PCMTD1: variants seen among roughly 807,000 people sequenced by gnomAD.
PCMTD1 encodes protein-L-isoaspartate O-methyltransferase domain-containing protein 1.
A neutral mutation model predicts 37.6 loss-of-function variants in PCMTD1; 12 were observed. The ratio of observed to expected loss-of-function variants is 0.32; its 90% CI spans 0.20 to 0.52. The LOEUF (loss-of-function observed/expected upper bound fraction) is 0.52, where lower values mean the gene tolerates loss of function less well. PCMTD1 is among the 20% of genes least tolerant of loss of function. The pLI is 0.97. For missense variants in PCMTD1, 235 were observed against 421.3 expected (o/e 0.56, Z 3.87); for synonymous variants, 117 against 135.8 (o/e 0.86, Z 0.96).
At chr8:51,823,363 C>G (rs2037875906) in intron 5 of PCMTD1, among the ~76,000 whole-genome samples, 1 of 152,172 alleles carries the variant, frequency 6.6e-6, no homozygotes, top group Admixed American at 6.5e-5. Context: ...AGTCAGTAGG[C>G]TGAGATGGGA....
chr8:51,895,296 T>G (rs535012904), intron 1 of PCMTD1, among the ~76,000 whole-genome samples: 4 of 152,348 alleles, frequency 2.6e-5, no homozygotes, highest in Non-Finnish European at 4.4e-5. Context: ...CTACAGCTCT[T>G]TCAATGCTCA....
intron 5 of PCMTD1, among the ~76,000 whole-genome samples, chr8:51,829,827 CAA>C (rs1353394704): frequency 6.6e-6 from 1 of 152,022 alleles, no homozygotes; most frequent in Non-Finnish European, 1.5e-5. Context: ...CCAAAAGTCC[CAA>C]AGTCATGCAG....
intron 1 of PCMTD1, among the ~76,000 whole-genome samples, chr8:51,863,382 C>A (rs925762): frequency 6.6e-6 from 1 of 152,072 alleles, no homozygotes; most frequent in Non-Finnish European, 1.5e-5. Flanking sequence ...TACCACATAG[C>A]TCACATTTTT....
At position 51,820,283 on chromosome 8, in the gene PCMTD1, C is replaced by A. The variant is rs116069210; in HGVS notation, c.*68G>T. 2 of 1,376,372 alleles carry A rather than the reference C, an allele frequency of 1.5e-6. No individual in the cohort carries two copies. Among genetic ancestry groups the A allele is most frequent in the African/African-American group, 2.9e-5 (2 of 67,896 alleles). 85.3% of individuals were successfully genotyped at this position (1,376,372 alleles called of 1,614,324 possible). ...TGAAAGAAATAATTCTCTCTTTTAACTCCTAACAAATGCTACATTTTCAAG... is the reference window on the plus strand; with the variant it reads ...TGAAAGAAATAATTCTCTCTTTTAAATCCTAACAAATGCTACATTTTCAAG... On this transcript the variant is annotated 3_prime_UTR_variant, in exon 6 of 6. Transcript: ENST00000522514.
chr8:51,820,272 C>T lies in PCMTD1; in HGVS notation c.*79G>A. On this transcript the variant is annotated 3_prime_UTR_variant, in exon 6 of 6. Transcript: ENST00000522514. ...ATTTGCTCTGATGAAAGAAATAATT[C>T]TCTCTTTTAACTCCTAACAAATGCT... The T allele has an allele frequency of 3.9e-6, 5 of 1,282,536 alleles. No individual in the cohort carries two copies. The highest frequency in any genetic ancestry group is 3.4e-5 in the Admixed American group (1 of 29,434). The allele number at this position is 1,282,536 out of a possible 1,614,324, so 79.4% of individuals were successfully genotyped here.
intron 5 of PCMTD1, among the ~76,000 whole-genome samples, chr8:51,824,854 CA>C (rs1407667693): frequency 6.6e-6 from 1 of 152,076 alleles, no homozygotes; most frequent in Non-Finnish European, 1.5e-5. Context: ...ATATACAGAC[CA>C]ATGGAAGAGA....
intron 1 of PCMTD1, among the ~76,000 whole-genome samples, chr8:51,897,445 T>A (rs752907109): frequency 3.9e-5 from 6 of 152,112 alleles, no homozygotes; most frequent in Non-Finnish European, 8.8e-5. Flanking sequence ...CCTTCACATA[T>A]TAGCTACTTC....
chr8:51,874,129 A>G, intron 1 of PCMTD1, among the ~76,000 whole-genome samples: 1 of 151,694 alleles, frequency 6.6e-6, no homozygotes, highest in Non-Finnish European at 1.5e-5. Context: ...TGATCTCCTC[A>G]CCTCCTGATC....
At chr8:51,831,259 C>G (rs1399067956) in intron 5 of PCMTD1, among the ~76,000 whole-genome samples, 185 bp downstream of exon 5, 6 of 150,778 alleles carry the variant, frequency 4.0e-5, no homozygotes, top group Admixed American at 2.0e-4. Context: ...CATGGCACCA[C>G]TGCACTCGAG....
intron 2 of PCMTD1, chr8:51,860,442 T>C (rs1415454974): frequency 1.2e-5 from 2 of 161,998 alleles, no homozygotes; most frequent in Non-Finnish European, 2.7e-5. Flanking sequence ...ACCCTAACAG[T>C]GCCACATCTT....
At chr8:51,861,313 AAATGT>A (rs2038466122) in intron 1 of PCMTD1, 67 bp from the exon 2 acceptor site, 4 of 1,139,664 alleles carry the variant, frequency 3.5e-6, no homozygotes, top group Non-Finnish European at 4.8e-6. Context: ...CTTGTTTATT[AAATGT>A]ATGTCATTAT....
intron 1 of PCMTD1, among the ~76,000 whole-genome samples, chr8:51,866,872 A>G (rs1406128076): frequency 6.6e-6 from 1 of 151,914 alleles, no homozygotes; most frequent in East Asian, 1.9e-4. Flanking sequence ...TTGAAAAAAC[A>G]AAACAAAACA....
chr8:51,884,009 C>A (rs1449251110), intron 1 of PCMTD1, among the ~76,000 whole-genome samples: 2 of 152,102 alleles, frequency 1.3e-5, no homozygotes, highest in Non-Finnish European at 1.5e-5. Flanking sequence ...ACTACTTGTT[C>A]AAGGGCATAC....
chr8:51,890,620 T>C (rs947806425), intron 1 of PCMTD1, among the ~76,000 whole-genome samples: 1 of 152,238 alleles, frequency 6.6e-6, no homozygotes, highest in Non-Finnish European at 1.5e-5. Context: ...TAATGATACA[T>C]AATCAGAACA....
intron 1 of PCMTD1, 36 bp downstream of exon 1, chr8:51,898,894 C>T: frequency 7.6e-7 from 1 of 1,309,878 alleles, no homozygotes; most frequent in Non-Finnish European, 9.7e-7. Context: ...ACTCGCACAC[C>T]CCACGACCCC....
rs1178628206 is a variant in PCMTD1, at chr8:51,882,797, T to C, written c.-96+16133A>G. The stretch of plus-strand genomic sequence containing the variant: ...AACGCAAGTCTTTAAAAGCTTACAA[T>C]TTAGTTATGAATAGCATACTTAAAA... On this transcript the variant is annotated intron_variant, in intron 1 of 5. Coordinates refer to ENST00000522514, the MANE Select transcript of PCMTD1 (RefSeq NM_052937.4). 2.7e-5 allele frequency among the ~76,000 whole-genome samples: 4 copies of C among 148,868 alleles called. No individual in the cohort carries two copies. The Admixed American group carries it at 2.7e-4, about 10-fold the overall frequency.
chr8:51,827,148 G>A, intron 5 of PCMTD1: 5 of 1,048,520 alleles, frequency 4.8e-6, no homozygotes, highest in Non-Finnish European at 5.8e-6. Flanking sequence ...TTAAATTTTG[G>A]CAAATATCAA....
At chr8:51,839,832 C>A (rs947726934) in intron 3 of PCMTD1, among the ~76,000 whole-genome samples, 1 of 152,088 alleles carries the variant, frequency 6.6e-6, no homozygotes, top group Non-Finnish European at 1.5e-5. Context: ...AAACAACCTG[C>A]CAAATGAATC....
At chr8:51,835,668 T>G (rs2038057772) in intron 3 of PCMTD1, among the ~76,000 whole-genome samples, 1 of 152,196 alleles carries the variant, frequency 6.6e-6, no homozygotes, top group Non-Finnish European at 1.5e-5. Flanking sequence ...GACTAGGGAA[T>G]TTAAATAATT....
Sources: gnomAD v4.1 joint callset for allele counts (sites outside exome capture counted in the v4.1 genomes callset) on GRCh38, gnomAD v4.1.1 for gene constraint, MANE v1.5 for transcripts, NCBI Gene and HGNC (gene_info 2026-07-23, HGNC 2026-07-21) for gene names.